The following SIX3 variants were observed in gnomAD, a reference collection of about 807,000 sequenced individuals.
The protein encoded by SIX3 is homeobox protein SIX3.
Under a neutral mutation model 21.7 loss-of-function variants are expected in SIX3, and 2 were observed. The observed-to-expected ratio is 0.09, with a 90% confidence interval of 0.04 to 0.29. The LOEUF is 0.29. SIX3 is among the 10% of genes least tolerant of loss of function. The pLI is 1.00. For missense variants in SIX3, 347 were observed against 480.7 expected, an observed-to-expected ratio of 0.72 and a Z score of 2.60; for synonymous variants, 243 against 220.6, an observed-to-expected ratio of 1.10 and a Z score of -0.90.
In SIX3 at chr2:44,942,057, C is replaced by G. The variant is rs905341746; in HGVS notation, c.-48C>G. ...TCGCCCCTCTCCTCCTCTTCCTCCC[C>G]TCTCTCTTCCTCTCCCTGAATTTTC... On this transcript the variant is annotated 5_prime_UTR_variant, in exon 1 of 2. Coordinates refer to ENST00000260653, the MANE Select transcript of SIX3 (RefSeq NM_005413.4). This position sits in a 1 kb window ranked among gnomAD's most constrained non-coding sequence, Gnocchi z 8.4. The G allele has an allele frequency of 6.7e-7, 1 of 1,485,094 alleles. No individual in the cohort carries two copies. Among genetic ancestry groups the G allele is most frequent in the African/African-American group, 1.4e-5 (1 of 71,926 alleles). The allele number at this position is 1,485,094 out of a possible 1,614,324, so 92.0% of individuals were successfully genotyped here.
rs531342617 is a variant in SIX3 at position 44,945,039 on chromosome 2, C to G, written c.*279C>G. 4.4e-4 allele frequency: 241 copies of G among 549,104 alleles called. No individual in the cohort carries two copies. The East Asian group carries it at 6.4e-3, about 14-fold the overall frequency. The allele number at this position is 549,104 out of a possible 1,614,324, so 34.0% of individuals were successfully genotyped here. On this transcript the variant is annotated 3_prime_UTR_variant, in exon 2 of 2. Transcript: ENST00000260653. Reference sequence around the variant, plus strand: ...CCACCCCAAAGGACCCCGACGCCAACAGACAGTCAAACGCTGATGTTGCGG... The same window carrying G: ...CCACCCCAAAGGACCCCGACGCCAAGAGACAGTCAAACGCTGATGTTGCGG...
In SIX3 at chr2:44,944,774, C is replaced by A; in HGVS notation, c.*14C>A. 6.5e-7 allele frequency: 1 copy of A among 1,548,770 alleles called. No homozygotes were observed. On this transcript the variant is annotated 3_prime_UTR_variant, in exon 2 of 2. Transcript: ENST00000260653. ...TGTGATGTATGATAGCCAAGGCCGC[C>A]CTCCTCCCTCTCCTTCCCCTCCTCC...
In SIX3 at chr2:44,945,677, C is replaced by T. The variant is rs569346702; in HGVS notation, c.*917C>T. The T allele has an allele frequency of 6.6e-6, 1 of 152,198 alleles. No individual in the cohort carries two copies. 9.4% of individuals were successfully genotyped at this position (152,198 alleles called of 1,614,324 possible). ...GTATATCTTAATGATCGGTCATTTT[C>T]CCAGTTTGTAATATATGTGTAGAAA... On this transcript the variant is annotated 3_prime_UTR_variant, in exon 2 of 2. Transcript: ENST00000260653.
chr2:44,942,397 C>T lies in SIX3; in HGVS notation c.293C>T (p.Thr98Met), dbSNP rs1304803510. The change falls in exon 1 of 2, where the codon ACG becomes ATG. Residue 98 changes from threonine (T) to methionine (M), a missense_variant. By Grantham distance (81) the Thr-to-Met change is moderately conservative. Transcript: ENST00000260653. This position sits in a 1 kb window ranked among gnomAD's most constrained non-coding sequence, Gnocchi z 8.4. ...SPEQVASVCE[T>M]LEETGDIERL... ...GAGCAGGTGGCCAGCGTCTGTGAGA[C>T]GCTGGAGGAGACGGGCGACATCGAG... The T allele has an allele frequency of 1.3e-6, 2 of 1,597,320 alleles. No homozygotes were observed. Among genetic ancestry groups the T allele is most frequent in the South Asian group, 1.1e-5 (1 of 91,056 alleles).
At position 44,944,670 on chromosome 2, in the gene SIX3, G is replaced by C. The variant is rs560888073; in HGVS notation, c.909G>C (p.Pro303=). ...AGTCGCCGTCCACGGCGGCCAGCCC[G>C]ACCACCAGCGTGTCCAGCCTGACGG... ...SAESPSTAAS[P]TTSVSSLTER... is the part of the protein sequence containing the mutation. The change falls in exon 2 of 2, where the codon CCG becomes CCC. Residue 303 remains proline (P), a synonymous_variant. Transcript: ENST00000260653. The C allele has an allele frequency of 1.6e-4, 248 of 1,581,820 alleles. 2 individuals carry two copies. The South Asian group carries it at 2.5e-3, about 16-fold the overall frequency.
chr2:44,942,981 C>A lies in SIX3; in HGVS notation c.806+71C>A. 1.3e-6 allele frequency: 2 copies of A among 1,514,190 alleles called. No individual in the cohort carries two copies. Among genetic ancestry groups the A allele is most frequent in the East Asian group, 2.4e-5 (1 of 41,918 alleles). 93.8% of individuals were successfully genotyped at this position (1,514,190 alleles called of 1,614,324 possible). A position where few individuals can be genotyped will look rare whatever the true frequency, so the allele number is the denominator to read the frequency against. ...GAAGGGGAGAGGGGTTGAGATGGGG[C>A]TAGCGGAGCGGCCGCTGAGAGCCAG... On this transcript the variant is annotated intron_variant, in intron 1 of 1. Coordinates refer to ENST00000260653, the MANE Select transcript of SIX3 (RefSeq NM_005413.4). This position sits in a 1 kb window ranked among gnomAD's most constrained non-coding sequence, Gnocchi z 8.4.
intron 1 of SIX3, 134 bp downstream of exon 1, chr2:44,943,044 G>T: frequency 2.8e-6 from 4 of 1,405,172 alleles, no homozygotes; most frequent in South Asian, 1.5e-5. Context: ...GAAAGTTTCC[G>T]CTTGTCCGGG....
In SIX3 at chr2:44,945,774, C is replaced by G. The variant is rs982581124; in HGVS notation, c.*1014C>G. On this transcript the variant is annotated 3_prime_UTR_variant, in exon 2 of 2. Coordinates refer to ENST00000260653, the MANE Select transcript of SIX3 (RefSeq NM_005413.4). The stretch of plus-strand genomic sequence containing the variant: ...CTCCTCTCCCTCTCTCTGTCTTTCT[C>G]CCCGCTCAACTGTCTCTTTTCTTTT... 1 of 152,342 alleles carries G rather than the reference C, an allele frequency of 6.6e-6. No individual in the cohort carries two copies. Among genetic ancestry groups the G allele is most frequent in the African/African-American group, 2.4e-5 (1 of 41,564 alleles). 9.4% of individuals were successfully genotyped at this position (152,342 alleles called of 1,614,324 possible). A position where few individuals can be genotyped will look rare whatever the true frequency, so the allele number is the denominator to read the frequency against.
In SIX3 at chr2:44,945,121, C is replaced by G. The variant is rs899652709; in HGVS notation, c.*361C>G. 2 of 289,024 alleles carry G rather than the reference C, an allele frequency of 6.9e-6. No individual in the cohort carries two copies. Among genetic ancestry groups the G allele is most frequent in the African/African-American group, 4.4e-5 (2 of 45,002 alleles). The allele number at this position is 289,024 out of a possible 1,614,324, so 17.9% of individuals were successfully genotyped here. Reference sequence around the variant, plus strand: ...ACTTTCTAGGACAAGCACGGCTTCTCCTTTCGGTTCCCATGGACCCGGCAC... The same window carrying G: ...ACTTTCTAGGACAAGCACGGCTTCTGCTTTCGGTTCCCATGGACCCGGCAC... On this transcript the variant is annotated 3_prime_UTR_variant, in exon 2 of 2. Transcript: ENST00000260653.
At position 44,944,616 on chromosome 2, in the gene SIX3, G is replaced by T. The variant is rs758933447; in HGVS notation, c.855G>T (p.Glu285Asp). The change falls in exon 2 of 2, where the codon GAG becomes GAT. Residue 285 changes from glutamate to aspartate, a missense_variant. By Grantham distance (45) the Glu-to-Asp change is conservative. Around this residue, in one of 4 missense-constraint regions of SIX3, gnomAD observed 110 missense variants for 93.3 expected, o/e 1.18. Transcript: ENST00000260653. ...IGPSGMRSLAEPGCPTHGSAE... is the reference protein window; with the variant it reads ...IGPSGMRSLADPGCPTHGSAE... Reference sequence around the variant, plus strand: ...CGAGCGGCATGCGCTCGCTGGCCGAGCCCGGCTGCCCCACGCACGGCTCGG... The same window carrying T: ...CGAGCGGCATGCGCTCGCTGGCCGATCCCGGCTGCCCCACGCACGGCTCGG... The T allele has an allele frequency of 3.8e-6, 6 of 1,574,584 alleles. No individual in the cohort carries two copies. Among genetic ancestry groups the T allele is most frequent in the South Asian group, 1.1e-5 (1 of 88,192 alleles).
rs1331456289 is a variant in SIX3, at chr2:44,945,762, CTCTG to C, written c.*1006_*1009del. On this transcript the variant is annotated 3_prime_UTR_variant, in exon 2 of 2. Coordinates refer to ENST00000260653, the MANE Select transcript of SIX3 (RefSeq NM_005413.4). ...CTTTCTCTTTCTCTCCTCTCCCTCTCTCTGTCTTTCTCCCCGCTCAACTGTCTCT... is the reference window on the plus strand; with the variant it reads ...CTTTCTCTTTCTCTCCTCTCCCTCTCTCTTTCTCCCCGCTCAACTGTCTCT... The C allele has an allele frequency of 2.6e-5, 4 of 152,332 alleles. No individual in the cohort carries two copies. Among genetic ancestry groups the C allele is most frequent in the African/African-American group, 7.2e-5 (3 of 41,568 alleles). The allele number at this position is 152,332 out of a possible 1,614,324, so 9.4% of individuals were successfully genotyped here.
chr2:44,942,117 T>TC lies in SIX3; in HGVS notation c.19dup (p.Leu7ProfsTer26). 3 of 1,590,932 alleles carry TC rather than the reference T, an allele frequency of 1.9e-6. No homozygotes were observed. Among genetic ancestry groups the TC allele is most frequent in the South Asian group, 1.1e-5 (1 of 90,940 alleles). ...CTCAGGTCAGTCCATGGTATTCCGC[T>TC]CCCCCCTAGACCTCTATTCCTCCCA... On this transcript the variant is annotated frameshift_variant, in exon 1 of 2. Transcript: ENST00000260653. LOFTEE classifies it high-confidence loss of function. The surrounding 1 kb of genome is among the most constrained non-coding windows in gnomAD (Gnocchi z 8.4).
intron 1 of SIX3, among the ~76,000 whole-genome samples, 154 bp from the exon 2 acceptor site, chr2:44,944,414 A>C (rs958135754): frequency 6.6e-6 from 1 of 152,160 alleles, no homozygotes; most frequent in African/African-American, 2.4e-5. Flanking sequence ...GGCCTCCCCA[A>C]GCGGCCGGGC....
intron 1 of SIX3, among the ~76,000 whole-genome samples, chr2:44,943,267 T>C (rs1178532891): frequency 6.6e-6 from 1 of 152,210 alleles, no homozygotes; most frequent in Non-Finnish European, 1.5e-5. Context: ...AGGAAAGCAC[T>C]CTTTGCCATC....
rs1227186017 is a variant in SIX3 at position 44,945,692 on chromosome 2, A to G, written c.*932A>G. ...CGGTCATTTTCCCAGTTTGTAATAT[A>G]TGTGTAGAAATTGCCTGTATATGAT... On this transcript the variant is annotated 3_prime_UTR_variant, in exon 2 of 2. Coordinates refer to ENST00000260653, the MANE Select transcript of SIX3 (RefSeq NM_005413.4). 2.0e-5 allele frequency: 3 copies of G among 152,156 alleles called. No homozygotes were observed. Among genetic ancestry groups the G allele is most frequent in the African/African-American group, 7.2e-5 (3 of 41,436 alleles). The allele number at this position is 152,156 out of a possible 1,614,324, so 9.4% of individuals were successfully genotyped here.
rs766222601 is a variant in SIX3, at chr2:44,942,275, C to T, written c.171C>T (p.Gly57=). 16 of 1,536,290 alleles carry T rather than the reference C, an allele frequency of 1.0e-5. No homozygotes were observed. The highest frequency in any genetic ancestry group is 1.3e-5 in the Non-Finnish European group (15 of 1,148,086). ...GSGGGNGAGG[G]GAGGAGGGGG... ...GCGGCGGGAACGGTGCGGGAGGCGG[C>T]GGTGCTGGCGGAGCAGGCGGCGGCG... The change falls in exon 1 of 2, where the codon GGC becomes GGT. Residue 57 remains glycine (G), a synonymous_variant. Transcript: ENST00000260653. This position sits in a 1 kb window ranked among gnomAD's most constrained non-coding sequence, Gnocchi z 8.4.
At position 44,944,757 on chromosome 2, in the gene SIX3, A is replaced by G. The variant is rs1219265079; in HGVS notation, c.996A>G (p.Val332=). The stretch of plus-strand genomic sequence containing the variant: ...CCTCCAGCGACTCGGAATGTGATGT[A>G]TGATAGCCAAGGCCGCCCTCCTCCC... The part of the protein sequence containing the change: ...SVTSSDSECD[V] Residue 332 remains valine (V), a synonymous_variant, in exon 2 of 2, where the codon GTA becomes GTG. Coordinates refer to ENST00000260653, the MANE Select transcript of SIX3 (RefSeq NM_005413.4). 6 of 1,582,650 alleles carry G rather than the reference A, an allele frequency of 3.8e-6. No individual in the cohort carries two copies. Among genetic ancestry groups the G allele is most frequent in the South Asian group, 1.1e-5 (1 of 88,302 alleles).
At chr2:44,944,030 G>A (rs1418765594) in intron 1 of SIX3, among the ~76,000 whole-genome samples, 1 of 152,218 alleles carries the variant, frequency 6.6e-6, no homozygotes, top group Admixed American at 6.5e-5. Flanking sequence ...GGTTCCCGGT[G>A]GGGGAAAGGG....
chr2:44,943,764 C>G (rs1666633306), intron 1 of SIX3, among the ~76,000 whole-genome samples: 1 of 152,202 alleles, frequency 6.6e-6, no homozygotes, highest in African/African-American at 2.4e-5. Flanking sequence ...GAGCCTGTGT[C>G]TTTCTCTATC....
Sources: gnomAD v4.1 joint callset for allele counts (sites outside exome capture counted in the v4.1 genomes callset) on GRCh38, gnomAD v4.1.1 for gene constraint, gnomAD v4.1.1 regional missense constraint, Gnocchi (gnomAD v3.1) non-coding constraint, MANE v1.5 for transcripts, NCBI Gene and HGNC (gene_info 2026-07-23, HGNC 2026-07-21) for gene names.